Variants in C8orf34 observed in about 807,000 individuals in gnomAD.
C8orf34 encodes the protein uncharacterized protein C8orf34.
In C8orf34, 65 loss-of-function variants were observed where a neutral mutation model predicts 68.3. The observed-to-expected ratio is 0.95, with a 90% CI of 0.78 to 1.17. C8orf34 has a LOEUF of 1.17. C8orf34 is among the 50% of genes most tolerant of loss of function. The pLI is 0.00. For missense variants in C8orf34, 664 were observed against 655.4 expected (o/e 1.01, Z -0.14); for synonymous variants, 244 against 241.2 (o/e 1.01, Z -0.11).
intron 8 of C8orf34, among the ~76,000 whole-genome samples, chr8:68,664,129 A>G (rs560201454): frequency 1.3e-5 from 2 of 152,270 alleles, no homozygotes; most frequent in Non-Finnish European, 2.9e-5. Flanking sequence ...GGGTCTATGG[A>G]GTTTATGAAA....
intron 8 of C8orf34, among the ~76,000 whole-genome samples, chr8:68,695,255 T>C (rs1469103836): frequency 6.6e-6 from 1 of 151,854 alleles, no homozygotes; most frequent in South Asian, 2.1e-4. Context: ...CAACCGATTC[T>C]CCTGCCTCAA....
chr8:68,486,680 A>G (rs368199308), intron 4 of C8orf34, among the ~76,000 whole-genome samples: 2 of 152,080 alleles, frequency 1.3e-5, no homozygotes, highest in Non-Finnish European at 2.9e-5. Context: ...AATATCATTT[A>G]TACCCTCCAC....
intron 1 of C8orf34, among the ~76,000 whole-genome samples, chr8:68,418,835 A>G (rs1230317819): frequency 6.6e-6 from 1 of 152,036 alleles, no homozygotes; most frequent in Non-Finnish European, 1.5e-5. Flanking sequence ...TCAGTTCAAG[A>G]TGGATTAAAG....
chr8:68,627,998 A>T (rs1818586037), intron 7 of C8orf34, among the ~76,000 whole-genome samples: 1 of 152,166 alleles, frequency 6.6e-6, no homozygotes, highest in South Asian at 2.1e-4. Flanking sequence ...AATGTATATA[A>T]ACATTTTCCC....
At chr8:68,805,229 C>G (rs1263982272) in intron 12 of C8orf34, among the ~76,000 whole-genome samples, 1 of 152,182 alleles carries the variant, frequency 6.6e-6, no homozygotes, top group Non-Finnish European at 1.5e-5. Flanking sequence ...GTTGAGACTT[C>G]CTTAATGATC....
intron 7 of C8orf34, among the ~76,000 whole-genome samples, chr8:68,626,634 G>T (rs117189594): frequency 0.016 from 2,408 of 152,192 alleles, 20 homozygotes; most frequent in Non-Finnish European, 0.026. Context: ...ATGATACAAG[G>T]TTCGATTATT....
At chr8:68,367,822 C>T (rs1289626754) in intron 1 of C8orf34, among the ~76,000 whole-genome samples, 6 of 130,648 alleles carry the variant, frequency 4.6e-5, no homozygotes, top group Admixed American at 8.2e-5. Flanking sequence ...GTGGGTGCAG[C>T]GCACCAGCAT....
At chr8:68,748,101 T>C (rs1168505307) in intron 10 of C8orf34, among the ~76,000 whole-genome samples, 2 of 143,934 alleles carry the variant, frequency 1.4e-5, no homozygotes, top group African/African-American at 5.3e-5. Flanking sequence ...AACTATCTGA[T>C]CTTTGACAAA....
chr8:68,791,115 A>G (rs1585888636), intron 12 of C8orf34: 1 of 507,898 alleles, frequency 2.0e-6, no homozygotes, highest in East Asian at 3.1e-5. Flanking sequence ...CGGTTTTCAC[A>G]CTGCTATAAA....
At chr8:68,644,999 A>G (rs1476986905) in intron 8 of C8orf34, among the ~76,000 whole-genome samples, 1 of 152,218 alleles carries the variant, frequency 6.6e-6, no homozygotes, top group Non-Finnish European at 1.5e-5. Flanking sequence ...CAAATATTGC[A>G]GGATTGGAGA....
intron 5 of C8orf34, among the ~76,000 whole-genome samples, chr8:68,505,047 T>G: frequency 6.6e-6 from 1 of 151,984 alleles, no homozygotes; most frequent in East Asian, 1.9e-4. Context: ...ACTCTTGACC[T>G]TAGGTGATCT....
intron 7 of C8orf34, among the ~76,000 whole-genome samples, chr8:68,639,373 C>A (rs189917776): frequency 1.3e-5 from 2 of 151,884 alleles, no homozygotes; most frequent in African/African-American, 2.4e-5. Context: ...TCCAGAAGGC[C>A]GGTTCATGAT....
At chr8:68,403,850 G>A (rs1809067742) in intron 1 of C8orf34, among the ~76,000 whole-genome samples, 1 of 152,126 alleles carries the variant, frequency 6.6e-6, no homozygotes, top group Non-Finnish European at 1.5e-5. Flanking sequence ...ACATACATGT[G>A]CATGTGTCTT....
At chr8:68,741,954 A>ATCTATCCAACAT (rs770539610) in intron 10 of C8orf34, among the ~76,000 whole-genome samples, 2 of 152,180 alleles carry the variant, frequency 1.3e-5, no homozygotes, top group Non-Finnish European at 2.9e-5. Flanking sequence ...GACATAACCA[A>ATCTATCCAACAT]TCTATCCAAC....
intron 12 of C8orf34, 176 bp downstream of exon 12, chr8:68,787,712 C>A: frequency 2.2e-6 from 1 of 444,914 alleles, no homozygotes; most frequent in East Asian, 3.5e-5. Flanking sequence ...CATTCAGTAA[C>A]ATCTTAATTA....
intron 10 of C8orf34, 149 bp downstream of exon 10, chr8:68,721,586 TGAACTA>T (rs1821679386): frequency 1.7e-6 from 1 of 587,146 alleles, no homozygotes; most frequent in Non-Finnish European, 3.0e-6. Flanking sequence ...GAAGAAGACT[TGAACTA>T]GATGGGAAAA....
At chr8:68,816,260 A>T (rs920084338) in intron 13 of C8orf34, among the ~76,000 whole-genome samples, 2 of 152,040 alleles carry the variant, frequency 1.3e-5, no homozygotes, top group South Asian at 4.1e-4. Flanking sequence ...CAGGAAAAAT[A>T]ATATCTTCTA....
chr8:68,417,903 A>T (rs1809749270), intron 1 of C8orf34, among the ~76,000 whole-genome samples: 2 of 151,586 alleles, frequency 1.3e-5, no homozygotes, highest in Admixed American at 6.6e-5. Flanking sequence ...CATTTTCAAG[A>T]TATTGATTCT....
chr8:68,766,955 G>A (rs190474264), intron 10 of C8orf34, among the ~76,000 whole-genome samples: 4 of 152,282 alleles, frequency 2.6e-5, no homozygotes, highest in East Asian at 1.9e-4. Flanking sequence ...AGGCTGAGGT[G>A]TGCGGATGAC....
Sources: allele counts gnomAD v4.1 joint callset (sites outside exome capture counted in the v4.1 genomes callset), GRCh38; gene constraint gnomAD v4.1.1; transcripts MANE v1.5; gene names NCBI Gene and HGNC (gene_info 2026-07-23, HGNC 2026-07-21).